The following DMD variants were observed in gnomAD, a reference collection of about 807,000 sequenced individuals.
The protein encoded by DMD is mutant dystrophin.
DMD carries 63 observed loss-of-function variants against 330.1 expected under a neutral mutation model. The observed-to-expected ratio is 0.19, with a 90% confidence interval of 0.16 to 0.24. The LOEUF (loss-of-function observed/expected upper bound fraction) is 0.24, where lower values mean the gene tolerates loss of function less well. Among genes scored for constraint, DMD ranks in the 10% least tolerant of loss-of-function variants. DMD has a pLI of 1.00. For synonymous variants in DMD, 1,223 were observed against 959.8 expected, an observed-to-expected ratio of 1.27 and a Z score of -5.07; for missense variants, 3,344 against 2,684.1, an observed-to-expected ratio of 1.25 and a Z score of -5.43.
At chrX:32,040,534 T>A (rs1436895301) in intron 44 of DMD, among the ~76,000 whole-genome samples, 2 of 111,583 alleles carry the variant, frequency 1.8e-5, no homozygotes, top group African/African-American at 6.5e-5. Context: ...AAGAATGAGT[T>A]TTTCCTAGTA....
At chrX:32,528,655 CTT>C (rs1204360781) in intron 17 of DMD, among the ~76,000 whole-genome samples, 1 of 111,328 alleles carries the variant, frequency 9.0e-6, no homozygotes, top group Non-Finnish European at 1.9e-5. Flanking sequence ...TCAACACAGA[CTT>C]TAAGTCTGAT....
chrX:33,177,141 C>G lies in DMD; in HGVS notation c.31+34141G>C, dbSNP rs373690600. Among the ~76,000 whole-genome samples the G allele has an allele frequency of 4.1e-4, 45 of 111,097 alleles. 1 individual carries two copies. The South Asian group carries it at 6.5e-3, about 16-fold the overall frequency. On this transcript the variant is annotated intron_variant, in intron 1 of 78. Coordinates refer to ENST00000357033, the MANE Select transcript of DMD (RefSeq NM_004006.3). ...TGGGTTGGACTCTTGTACTTTCAGTCGTTGGTTGCAAACTGACCTGAGGTG... is the reference window on the plus strand; with the variant it reads ...TGGGTTGGACTCTTGTACTTTCAGTGGTTGGTTGCAAACTGACCTGAGGTG...
At position 32,217,125 on chromosome X, in the gene DMD, A is replaced by T. The variant is rs781577995; in HGVS notation, c.6291-62T>A. The T allele has an allele frequency of 1.6e-3, 1,707 of 1,095,048 alleles. 2 individuals are homozygous for T. Among genetic ancestry groups the T allele is most frequent in the Middle Eastern group, 8.9e-3 (32 of 3,578 alleles). 90.2% of individuals were successfully genotyped at this position (1,095,048 alleles called of 1,213,427 possible). A position where few individuals can be genotyped will look rare whatever the true frequency, so the allele number is the denominator to read the frequency against. ...GGATTATGTAAAACAGATTATAGAG[A>T]TATAGCGTATATTTTTTGGTTATAC... On this transcript the variant is annotated intron_variant, in intron 43 of 78. Coordinates refer to ENST00000357033, the MANE Select transcript of DMD (RefSeq NM_004006.3).
rs201625568 is a variant in DMD at position 32,798,328 on chromosome X, GT to G, written c.649+11164del. ...GTTCCAACTGCCCAGAAAATACTCAGTTTTTTTATGGTATCTGAACTGAGAA... is the reference window on the plus strand; with the variant it reads ...GTTCCAACTGCCCAGAAAATACTCAGTTTTTTATGGTATCTGAACTGAGAA... On this transcript the variant is annotated intron_variant, in intron 7 of 78. Transcript: ENST00000357033. Among the ~76,000 whole-genome samples, 6 of 111,157 alleles carry G rather than the reference GT, an allele frequency of 5.4e-5. No homozygotes were observed. The Admixed American group carries it at 5.7e-4, about 11-fold the overall frequency.
In DMD at chrX:32,609,730, C is replaced by A. The variant is rs938398262; in HGVS notation, c.1482+4573G>T. ...GATAGGTGACTGAGTTTCTAAGAGG[C>A]TACTTAGTTTGTATTAATCAGTATT... On this transcript the variant is annotated intron_variant, in intron 12 of 78. Coordinates refer to ENST00000357033, the MANE Select transcript of DMD (RefSeq NM_004006.3). Among the ~76,000 whole-genome samples the A allele has an allele frequency of 1.1e-4, 12 of 111,203 alleles. No homozygotes were observed. The East Asian group carries it at 1.1e-3, about 10-fold the overall frequency.
intron 1 of DMD, among the ~76,000 whole-genome samples, chrX:33,281,641 T>C (rs1032346043): frequency 9.0e-6 from 1 of 111,347 alleles, no homozygotes; most frequent in Non-Finnish European, 1.9e-5. Context: ...CGACTTTTGA[T>C]GGTACTCTGG....
At chrX:31,923,493 A>G (rs748491356) in intron 47 of DMD, among the ~76,000 whole-genome samples, 2 of 110,870 alleles carry the variant, frequency 1.8e-5, no homozygotes, top group Non-Finnish European at 3.8e-5. Context: ...TAAAGAAAAC[A>G]TCCAAATAAT....
At chrX:31,279,108 C>T (rs186677812) in intron 62 of DMD, among the ~76,000 whole-genome samples, 122 of 112,061 alleles carry the variant, frequency 1.1e-3, no homozygotes, top group African/African-American at 3.8e-3. Context: ...TATTTAATCA[C>T]AGCAGCTTTC....
chrX:32,447,190 A>G (rs1033346193), intron 27 of DMD, among the ~76,000 whole-genome samples: 1 of 110,562 alleles, frequency 9.0e-6, no homozygotes, highest in Non-Finnish European at 1.9e-5. Flanking sequence ...CCCTATTGTA[A>G]CATGTTAGTG....
intron 7 of DMD, among the ~76,000 whole-genome samples, chrX:32,749,825 C>A (rs1201401586): frequency 8.9e-6 from 1 of 112,115 alleles, no homozygotes; most frequent in Non-Finnish European, 1.9e-5. Flanking sequence ...CCAAAAAACT[C>A]ATTATTGAAT....
At chrX:31,859,558 T>C (rs1365682993) in intron 48 of DMD, among the ~76,000 whole-genome samples, 1 of 112,169 alleles carries the variant, frequency 8.9e-6, no homozygotes, top group Non-Finnish European at 1.9e-5. Flanking sequence ...ACATTAAATT[T>C]TAAGAAGCAT....
At chrX:31,304,149 T>G (rs1328860418) in intron 62 of DMD, among the ~76,000 whole-genome samples, 1 of 112,092 alleles carries the variant, frequency 8.9e-6, no homozygotes, top group African/African-American at 3.2e-5. Flanking sequence ...CAAATATAAC[T>G]GAGGTTAAAC....
At chrX:31,748,762 C>T (rs1447311199) in intron 51 of DMD, among the ~76,000 whole-genome samples, 1 of 111,600 alleles carries the variant, frequency 9.0e-6, no homozygotes. Context: ...AATGACCACC[C>T]CTCAATGGTT....
chrX:31,977,624 T>C (rs1356659718), intron 44 of DMD, among the ~76,000 whole-genome samples: 1 of 110,639 alleles, frequency 9.0e-6, no homozygotes, highest in Non-Finnish European at 1.9e-5. Flanking sequence ...CAAATTACTC[T>C]TTTATTTTTC....
chrX:33,205,704 G>C (rs961601488), intron 1 of DMD, among the ~76,000 whole-genome samples: 2 of 111,975 alleles, frequency 1.8e-5, no homozygotes, highest in Non-Finnish European at 3.8e-5. Context: ...CATTTAAAGG[G>C]TAAGCATTTT....
intron 44 of DMD, among the ~76,000 whole-genome samples, chrX:32,075,840 G>A (rs1246909605): frequency 9.2e-6 from 1 of 108,534 alleles, no homozygotes; most frequent in Non-Finnish European, 1.9e-5. Flanking sequence ...CTTGAGACCA[G>A]GAGTTCGAGA....
chrX:32,555,102 C>G (rs2050153016), intron 16 of DMD, among the ~76,000 whole-genome samples: 4 of 110,204 alleles, frequency 3.6e-5, no homozygotes, highest in Admixed American at 2.9e-4. Context: ...GCTTATCCAC[C>G]ACAATCAAGT....
chrX:32,479,287 C>A (rs747195493), intron 21 of DMD, among the ~76,000 whole-genome samples: 1 of 110,565 alleles, frequency 9.0e-6, no homozygotes, highest in Non-Finnish European at 1.9e-5. Flanking sequence ...TTTTGTGATG[C>A]GGATATTAAA....
chrX:31,410,927 T>G (rs1199158464), intron 60 of DMD, among the ~76,000 whole-genome samples: 1 of 96,512 alleles, frequency 1.0e-5, no homozygotes, highest in Non-Finnish European at 2.1e-5. Context: ...GTGTGTTTTT[T>G]TTTTTTTTTT....
Sources: allele counts gnomAD v4.1 joint callset (sites outside exome capture counted in the v4.1 genomes callset), GRCh38; gene constraint gnomAD v4.1.1; transcripts MANE v1.5; gene names NCBI Gene and HGNC (gene_info 2026-07-23, HGNC 2026-07-21).